DCLK1: variants seen among roughly 807,000 people sequenced by gnomAD.
DCLK1 encodes doublecortin like kinase 1, also known as serine/threonine-protein kinase DCLK1.
DCLK1 carries 16 observed loss-of-function variants against 86.2 expected under a neutral mutation model. That is an observed-to-expected ratio of 0.19 (90% CI 0.13 to 0.28). The LOEUF is 0.28. DCLK1 is among the 10% of genes least tolerant of loss of function. DCLK1 has a pLI of 1.00. For missense variants in DCLK1, 590 were observed against 940.2 expected, an observed-to-expected ratio of 0.63 and a Z score of 4.87; for synonymous variants, 369 against 370.5, an observed-to-expected ratio of 1.00 and a Z score of 0.05.
At chr13:35,879,464 T>C (rs1593692643) in intron 4 of DCLK1, among the ~76,000 whole-genome samples, 1 of 152,346 alleles carries the variant, frequency 6.6e-6, no homozygotes, top group East Asian at 1.9e-4. Context: ...TGAATGATTC[T>C]CCTTTCCAAA....
At chr13:35,891,662 T>C (rs1446612776) in intron 4 of DCLK1, among the ~76,000 whole-genome samples, 1 of 152,160 alleles carries the variant, frequency 6.6e-6, no homozygotes, top group Non-Finnish European at 1.5e-5. Flanking sequence ...AAATAAATTG[T>C]GGTGTGTTTT....
At chr13:35,814,506 C>T (rs1159601436) in intron 11 of DCLK1, among the ~76,000 whole-genome samples, 1 of 152,170 alleles carries the variant, frequency 6.6e-6, no homozygotes, top group Non-Finnish European at 1.5e-5. Context: ...AGGCTGCAAG[C>T]GCAGGCTTGG....
At chr13:35,877,606 G>A (rs922324231) in intron 4 of DCLK1, among the ~76,000 whole-genome samples, 5 of 152,114 alleles carry the variant, frequency 3.3e-5, no homozygotes, top group African/African-American at 1.2e-4. Context: ...AAACCAACCA[G>A]CATAAAAGCA....
At chr13:35,862,389 T>G (rs1680474869) in intron 5 of DCLK1, among the ~76,000 whole-genome samples, 1 of 152,208 alleles carries the variant, frequency 6.6e-6, no homozygotes, top group South Asian at 2.1e-4. Context: ...TTCATTTCCC[T>G]TTGAGGTCTC....
chr13:36,069,592 C>G (rs1201725180), intron 3 of DCLK1, among the ~76,000 whole-genome samples: 2 of 152,138 alleles, frequency 1.3e-5, no homozygotes, highest in African/African-American at 4.8e-5. Flanking sequence ...TTCCCATCCC[C>G]TCCACCCATC....
chr13:35,869,789 G>A (rs1192639061), intron 5 of DCLK1, among the ~76,000 whole-genome samples: 1 of 152,136 alleles, frequency 6.6e-6, no homozygotes, highest in Non-Finnish European at 1.5e-5. Flanking sequence ...CTCAGGTGAT[G>A]GTGATGCTGC....
chr13:36,074,405 C>T (rs566345440), intron 3 of DCLK1, among the ~76,000 whole-genome samples: 2 of 127,886 alleles, frequency 1.6e-5, no homozygotes, highest in Non-Finnish European at 3.2e-5. Context: ...AGGAGAATGG[C>T]GTGAACCCTG....
chr13:35,784,887 C>A (rs932772477), intron 16 of DCLK1, among the ~76,000 whole-genome samples: 3 of 152,180 alleles, frequency 2.0e-5, no homozygotes, highest in Non-Finnish European at 2.9e-5. Context: ...CACGGAGGTT[C>A]CTCCCTGGCT....
chr13:36,108,700 T>G (rs1027117369), intron 3 of DCLK1, among the ~76,000 whole-genome samples: 1 of 152,262 alleles, frequency 6.6e-6, no homozygotes, highest in African/African-American at 2.4e-5. Context: ...AATTCATTTT[T>G]TAAACAATTC....
Position 36,034,750 on chromosome 13 carries a change from C to T in DCLK1, c.723+77119G>A, listed in dbSNP as rs78076664. Among the ~76,000 whole-genome samples, 10 of 152,198 alleles carry T rather than the reference C, an allele frequency of 6.6e-5. No homozygotes were observed. The East Asian group carries it at 1.9e-3, about 29-fold the overall frequency. On this transcript the variant is annotated intron_variant, in intron 3 of 16. Coordinates refer to ENST00000360631, the MANE Select transcript of DCLK1 (RefSeq NM_001330071.2). Reference sequence around the variant, plus strand: ...AGTTTCCAAGGTGTCAATATTCCCACCAGGACTGATTTCAGGCTACCAACA... The same window carrying T: ...AGTTTCCAAGGTGTCAATATTCCCATCAGGACTGATTTCAGGCTACCAACA...
chr13:35,819,730 T>C lies in DCLK1; in HGVS notation c.1554+2999A>G, dbSNP rs146849126. ...TAGTCTATAGCTTTACATTTTGCCATGAGGTGGCAAATCCATGCACAGGTG... is the reference window on the plus strand; with the variant it reads ...TAGTCTATAGCTTTACATTTTGCCACGAGGTGGCAAATCCATGCACAGGTG... On this transcript the variant is annotated intron_variant, in intron 11 of 16. Coordinates refer to ENST00000360631, the MANE Select transcript of DCLK1 (RefSeq NM_001330071.2). Among the ~76,000 whole-genome samples, 111 of 152,026 alleles carry C rather than the reference T, an allele frequency of 7.3e-4. 1 individual carries two copies. The highest frequency in any genetic ancestry group is 2.6e-3 in the African/African-American group (108 of 41,492).
At chr13:36,008,558 A>C (rs1223639758) in intron 3 of DCLK1, among the ~76,000 whole-genome samples, 111 of 125,902 alleles carry the variant, frequency 8.8e-4, no homozygotes, top group African/African-American at 3.4e-3. Flanking sequence ...TGAACTCATC[A>C]TTTTTTATGG....
intron 16 of DCLK1, among the ~76,000 whole-genome samples, chr13:35,777,981 C>A (rs2086454452): frequency 6.6e-6 from 1 of 152,224 alleles, no homozygotes; most frequent in Non-Finnish European, 1.5e-5. Flanking sequence ...CTTTGGAGGA[C>A]CAAGGTCAAG....
intron 3 of DCLK1, among the ~76,000 whole-genome samples, chr13:36,074,035 A>C (rs1022741797): frequency 6.6e-6 from 1 of 152,166 alleles, no homozygotes; most frequent in Admixed American, 6.5e-5. Context: ...GTTATGGTAC[A>C]TTTACATGTA....
At chr13:35,924,957 C>T (rs1431824056) in intron 4 of DCLK1, among the ~76,000 whole-genome samples, 1 of 152,108 alleles carries the variant, frequency 6.6e-6, no homozygotes, top group East Asian at 1.9e-4. Flanking sequence ...CAACAGAGAC[C>T]ATATGGCCCA....
chr13:35,901,850 A>G (rs892881997), intron 4 of DCLK1, among the ~76,000 whole-genome samples: 2 of 152,124 alleles, frequency 1.3e-5, no homozygotes, highest in Admixed American at 1.3e-4. Flanking sequence ...GGAATTGGGG[A>G]ATGGCATGAT....
intron 2 of DCLK1, among the ~76,000 whole-genome samples, chr13:36,120,774 T>C (rs1214796713): frequency 2.1e-5 from 2 of 94,040 alleles, no homozygotes; most frequent in African/African-American, 9.9e-5. Flanking sequence ...AAGATGAAAA[T>C]TATGTGAAAA....
intron 3 of DCLK1, among the ~76,000 whole-genome samples, chr13:36,041,444 T>C (rs905953457): frequency 6.6e-6 from 1 of 152,220 alleles, no homozygotes; most frequent in African/African-American, 2.4e-5. Context: ...ACAATAATTA[T>C]GTACAGCTTT....
intron 3 of DCLK1, among the ~76,000 whole-genome samples, chr13:35,998,171 G>A (rs1328115791): frequency 6.6e-6 from 1 of 152,114 alleles, no homozygotes; most frequent in African/African-American, 2.4e-5. Context: ...ATAAGAAAGT[G>A]TAGGAGTCTT....
Sources: allele counts gnomAD v4.1 joint callset (sites outside exome capture counted in the v4.1 genomes callset), GRCh38; gene constraint gnomAD v4.1.1; transcripts MANE v1.5; gene names NCBI Gene and HGNC (gene_info 2026-07-23, HGNC 2026-07-21).